The following THBS4 variants were observed in gnomAD, a reference collection of about 807,000 sequenced individuals.
The protein encoded by THBS4 is thrombospondin-4.
THBS4 carries 90 observed loss-of-function variants against 115.7 expected under a neutral mutation model. The ratio of observed to expected loss-of-function variants is 0.78; its 90% confidence interval spans 0.66 to 0.93. The LOEUF is 0.93. Among genes scored for constraint, THBS4 ranks in the 40% least tolerant of loss-of-function variants. The pLI is 0.00. For synonymous variants in THBS4, 460 were observed against 479.3 expected (o/e 0.96, Z 0.53); for missense variants, 1,087 against 1,232.7 (o/e 0.88, Z 1.77).
At chr5:80,039,664 C>T (rs370944297) in intron 1 of THBS4, among the ~76,000 whole-genome samples, 1 of 152,166 alleles carries the variant, frequency 6.6e-6, no homozygotes, top group African/African-American at 2.4e-5. Context: ...CCTGGAGGTG[C>T]CTATGGGACT....
Position 80,071,099 on chromosome 5 carries a change from C to A in THBS4, c.1639C>A (p.Leu547Met). Residue 547 changes from leucine to methionine, a missense_variant, in exon 13 of 22, where the codon CTG (leucine) becomes ATG (methionine). Coordinates refer to ENST00000350881, the MANE Select transcript of THBS4 (RefSeq NM_003248.6). ...CTTTGGGGATGCCTGTGATAACTGC[C>A]TGAGTGTCTTAAATAACGACCAGAA... ...DIFGDACDNC[L>M]SVLNNDQKDT... is the part of the protein sequence containing the mutation. 6.2e-7 allele frequency: 1 copy of A among 1,611,378 alleles called. No individual in the cohort carries two copies. The highest frequency in any genetic ancestry group is 2.2e-5 in the East Asian group (1 of 44,852).
chr5:80,003,355 GAA>G (rs1831943259), intron 2 of THBS4, among the ~76,000 whole-genome samples: 2 of 152,152 alleles, frequency 1.3e-5, no homozygotes, highest in South Asian at 4.1e-4. Context: ...AGGATGAGAA[GAA>G]GAGGAGAAGT....
chr5:80,033,301 A>C (rs1832621316), upstream of THBS4: 1 of 289,312 alleles, frequency 3.5e-6, no homozygotes, highest in African/African-American at 2.3e-5. Flanking sequence ...CATTGTCCTC[A>C]CCATGGAGAT....
chr5:80,003,793 A>C (rs754768729), intron 2 of THBS4, among the ~76,000 whole-genome samples: 11 of 152,202 alleles, frequency 7.2e-5, no homozygotes, highest in Non-Finnish European at 1.6e-4. Flanking sequence ...TTTACATGCA[A>C]GTTGTCTGCA....
intron 20 of THBS4, among the ~76,000 whole-genome samples, chr5:80,081,601 A>T (rs1460827891): frequency 4.6e-5 from 7 of 152,236 alleles, no homozygotes; most frequent in Non-Finnish European, 4.4e-5. Flanking sequence ...GATGACAGCA[A>T]TGTAAATTTC....
chr5:80,080,571 G>A (rs902863533), intron 20 of THBS4, among the ~76,000 whole-genome samples: 15 of 85,974 alleles, frequency 1.7e-4, no homozygotes, highest in Admixed American at 8.0e-4. Context: ...TGAGAGCAGC[G>A]CTTGTATCTT....
chr5:80,054,318 CTTTT>C (rs56296474), intron 2 of THBS4, among the ~76,000 whole-genome samples: 37,249 of 123,472 alleles, frequency 0.3, 5,246 homozygotes, highest in Middle Eastern at 0.37. Context: ...CACACCTGGC[CTTTT>C]TTTTTTTTTT....
Position 80,078,039 on chromosome 5 carries a change from C to T in THBS4, c.2087-10C>T, listed in dbSNP as rs754590968. 6 of 1,560,986 alleles carry T rather than the reference C, an allele frequency of 3.8e-6. No homozygotes were observed. The highest frequency in any genetic ancestry group is 5.2e-6 in the Non-Finnish European group (6 of 1,144,504). On this transcript the variant is annotated splice_polypyrimidine_tract_variant and intron_variant, in intron 16 of 21. Coordinates refer to ENST00000350881, the MANE Select transcript of THBS4 (RefSeq NM_003248.6). ...CTATTGAGCTCCTGTCCTTTCTCCA[C>T]CCCACTCAGGCGACGGAGTGGGAGA...
chr5:80,082,287 C>G, intron 20 of THBS4, 119 bp from the exon 21 acceptor site: 10 of 1,406,860 alleles, frequency 7.1e-6, no homozygotes, highest in Middle Eastern at 2.6e-4. Flanking sequence ...AAAATGGAGC[C>G]TAAAACAGAG....
In THBS4 at chr5:80,035,456, GTTCAACGCACGGCC is replaced by G; in HGVS notation, c.-81_-68del. 1 of 1,052,264 alleles carries G rather than the reference GTTCAACGCACGGCC, an allele frequency of 9.5e-7. No individual in the cohort carries two copies. The highest frequency in any genetic ancestry group is 1.2e-6 in the Non-Finnish European group (1 of 826,194). The allele number at this position is 1,052,264 out of a possible 1,614,324, so 65.2% of individuals were successfully genotyped here. On this transcript the variant is annotated 5_prime_UTR_variant, in exon 1 of 22. Transcript: ENST00000350881. The surrounding 1 kb of genome is among the most constrained non-coding windows in gnomAD (Gnocchi z 4.6). ...GGCGCCGGCCCGGGCGCCGACCGAG[GTTCAACGCACGGCC>G]CGGGGACCCCCAGGCGGGGCCAACG... is the stretch of plus-strand genomic sequence containing the variant.
intron 20 of THBS4, among the ~76,000 whole-genome samples, chr5:80,080,565 A>G (rs2434301): frequency 0.56 from 74,196 of 132,974 alleles, 21,284 homozygotes; most frequent in African/African-American, 0.68. Context: ...ACTGCATGAG[A>G]GCAGCGCTTG....
In THBS4 at chr5:80,078,237, A is replaced by G; in HGVS notation, c.2265+10A>G. On this transcript the variant is annotated intron_variant, in intron 17 of 21. Transcript: ENST00000350881. ...GGTGGTCCTGAACCAGGTGAGTGTC[A>G]CATGGGCGGCAATGGCTCAGCCTTG... 1 of 1,564,004 alleles carries G rather than the reference A, an allele frequency of 6.4e-7. No homozygotes were observed. The highest frequency in any genetic ancestry group is 8.7e-7 in the Non-Finnish European group (1 of 1,146,140).
chr5:80,046,227 A>G (rs1366164519), intron 2 of THBS4, among the ~76,000 whole-genome samples: 1 of 152,224 alleles, frequency 6.6e-6, no homozygotes, highest in Non-Finnish European at 1.5e-5. Context: ...AATTGTCAAG[A>G]ACAGTTAAAA....
In THBS4 at chr5:80,068,057, C is replaced by T. The variant is rs1048796733; in HGVS notation, c.1279C>T (p.Pro427Ser). 7.4e-6 allele frequency: 12 copies of T among 1,614,128 alleles called. No individual in the cohort carries two copies. Among genetic ancestry groups the T allele is most frequent in the Non-Finnish European group, 8.5e-6 (10 of 1,180,028 alleles). ...GCKAERNCRN[P>S]ELNPCSVNAQ... Reference sequence around the variant, plus strand: ...CAAAGCGGAAAGAAACTGCAGAAACCCAGAGCTGAACCCTTGCAGTGTGAA... The same window carrying T: ...CAAAGCGGAAAGAAACTGCAGAAACTCAGAGCTGAACCCTTGCAGTGTGAA... Residue 427 changes from proline to serine, a missense_variant, in exon 10 of 22, where the codon CCA (proline) becomes TCA (serine). Around this residue, in one of 3 missense-constraint regions of THBS4, gnomAD observed 979 missense variants for 1,103.7 expected, o/e 0.89. Coordinates refer to ENST00000350881, the MANE Select transcript of THBS4 (RefSeq NM_003248.6).
chr5:80,035,045 C>G (rs985398389), upstream of THBS4, among the ~76,000 whole-genome samples: 1 of 152,118 alleles, frequency 6.6e-6, no homozygotes, highest in Non-Finnish European at 1.5e-5. The surrounding 1 kb of genome is among the most constrained non-coding windows in gnomAD (Gnocchi z 4.6). Flanking sequence ...CCCTTTCGCC[C>G]CTTTCCTCCC....
At position 80,060,624 on chromosome 5, in the gene THBS4, G is replaced by A. The variant is rs144259273; in HGVS notation, c.987+719G>A. 8.1e-3 allele frequency among the ~76,000 whole-genome samples: 1,226 copies of A among 152,274 alleles called. 8 individuals carry two copies. The highest frequency in any genetic ancestry group is 0.02 in the Middle Eastern group (6 of 294). On this transcript the variant is annotated intron_variant, in intron 7 of 21. Coordinates refer to ENST00000350881, the MANE Select transcript of THBS4 (RefSeq NM_003248.6). ...AAAATATGATAATTACTGGGGCATG[G>A]TGGCATGTGCCTGTGGTCCCAGCTA...
At chr5:80,045,791 A>G (rs1217014606) in intron 2 of THBS4, among the ~76,000 whole-genome samples, 1 of 152,274 alleles carries the variant, frequency 6.6e-6, no homozygotes, top group Middle Eastern at 3.4e-3. Flanking sequence ...TCGGCCTCCC[A>G]AAGTGCTGGG....
intron 21 of THBS4, 46 bp downstream of exon 21, chr5:80,082,591 T>TCAAA (rs1743574087): frequency 6.2e-7 from 1 of 1,607,270 alleles, no homozygotes; most frequent in Non-Finnish European, 8.5e-7. Flanking sequence ...CTAGAATTAG[T>TCAAA]CAAACACTGC....
Position 80,061,795 on chromosome 5 carries a change from A to G in THBS4, c.1088A>G (p.Gln363Arg). Residue 363 changes from glutamine to arginine, a missense_variant, in exon 8 of 22, where the codon CAG becomes CGG. By Grantham distance (43) the Gln-to-Arg change is conservative. This residue lies in a region of THBS4 where 979 missense variants were observed against 1,103.7 expected (regional missense o/e 0.89). Coordinates refer to ENST00000350881, the MANE Select transcript of THBS4 (RefSeq NM_003248.6). ...CPVGFTGPMV[Q>R]GVGISFAKSN... ...GTGGGCTTCACAGGGCCCATGGTGC[A>G]GGGTGTTGGGATCAGTTTTGCCAAG... The G allele has an allele frequency of 6.2e-7, 1 of 1,613,824 alleles. No homozygotes were observed. The highest frequency in any genetic ancestry group is 1.1e-5 in the South Asian group (1 of 91,066).
Sources: allele counts gnomAD v4.1 joint callset (sites outside exome capture counted in the v4.1 genomes callset), GRCh38; gene constraint gnomAD v4.1.1; regional missense constraint gnomAD v4.1.1; non-coding constraint Gnocchi (gnomAD v3.1); transcripts MANE v1.5; gene names NCBI Gene and HGNC (gene_info 2026-07-23, HGNC 2026-07-21).